LRRTM4: variants seen among roughly 807,000 people sequenced by gnomAD.
The protein encoded by LRRTM4 is leucine rich repeat transmembrane neuronal 4.
A neutral mutation model predicts 47.6 loss-of-function variants in LRRTM4; 25 were observed. The observed-to-expected ratio is 0.53, with a 90% CI of 0.38 to 0.73. LRRTM4 has a LOEUF of 0.73. Among genes scored for constraint, LRRTM4 ranks in the 30% least tolerant of loss-of-function variants. The pLI, the probability that LRRTM4 is intolerant of heterozygous loss-of-function variation, is 0.00. For missense variants in LRRTM4, 638 were observed against 713.4 expected, an observed-to-expected ratio of 0.89 and a Z score of 1.20; for synonymous variants, 311 against 269.5, an observed-to-expected ratio of 1.15 and a Z score of -1.51.
intron 3 of LRRTM4, among the ~76,000 whole-genome samples, chr2:76,783,722 C>T (rs1410569032): frequency 6.6e-6 from 1 of 152,158 alleles, no homozygotes; most frequent in Non-Finnish European, 1.5e-5. Flanking sequence ...CATTTGGCAT[C>T]CCTATTTCCC....
At chr2:76,996,617 T>A (rs1225248110) in intron 3 of LRRTM4, among the ~76,000 whole-genome samples, 1 of 152,126 alleles carries the variant, frequency 6.6e-6, no homozygotes, top group Non-Finnish European at 1.5e-5. Context: ...AATACAAATA[T>A]TCTCTTGCCT....
intron 3 of LRRTM4, among the ~76,000 whole-genome samples, chr2:77,044,021 T>G (rs1030974476): frequency 6.6e-6 from 1 of 151,646 alleles, no homozygotes. Context: ...CCTCATTTCC[T>G]CCTTCATTTC....
At chr2:77,063,377 G>T (rs1679855064) in intron 3 of LRRTM4, among the ~76,000 whole-genome samples, 1 of 152,144 alleles carries the variant, frequency 6.6e-6, no homozygotes, top group South Asian at 2.1e-4. Context: ...ATTTTGAATA[G>T]TGTAATACTG....
intron 3 of LRRTM4, among the ~76,000 whole-genome samples, chr2:76,899,517 C>A (rs1186359850): frequency 6.6e-6 from 1 of 152,018 alleles, no homozygotes; most frequent in Non-Finnish European, 1.5e-5. Flanking sequence ...ATAAACCCTG[C>A]AGATGCCTGG....
chr2:77,064,136 A>G (rs887672009), intron 3 of LRRTM4, among the ~76,000 whole-genome samples: 1 of 152,142 alleles, frequency 6.6e-6, no homozygotes, highest in Non-Finnish European at 1.5e-5. Context: ...ATTGGGGGTA[A>G]AAGTTAACAT....
chr2:77,358,863 G>T (rs913421304), intron 3 of LRRTM4, among the ~76,000 whole-genome samples: 2 of 152,064 alleles, frequency 1.3e-5, no homozygotes, highest in Non-Finnish European at 1.5e-5. Flanking sequence ...AATTGTGTAT[G>T]GTGGCAGATC....
chr2:77,141,051 G>C (rs1161924514), intron 3 of LRRTM4, among the ~76,000 whole-genome samples: 2 of 152,124 alleles, frequency 1.3e-5, no homozygotes, highest in Non-Finnish European at 2.9e-5. Flanking sequence ...AACCATTGTG[G>C]AAGACAGTGT....
At chr2:77,110,888 G>A (rs1365603098) in intron 3 of LRRTM4, among the ~76,000 whole-genome samples, 9 of 152,052 alleles carry the variant, frequency 5.9e-5, no homozygotes, top group Admixed American at 5.2e-4. Flanking sequence ...CTTTTAAATT[G>A]CCTTCTGTAC....
chr2:76,781,903 C>T (rs1265536936), intron 3 of LRRTM4, among the ~76,000 whole-genome samples: 1 of 152,148 alleles, frequency 6.6e-6, no homozygotes, highest in Non-Finnish European at 1.5e-5. Flanking sequence ...GAAAACTCAT[C>T]TGCTGCCTCT....
intron 3 of LRRTM4, among the ~76,000 whole-genome samples, chr2:77,276,160 A>G (rs1002261412): frequency 6.6e-6 from 1 of 152,078 alleles, no homozygotes; most frequent in African/African-American, 2.4e-5. Flanking sequence ...ATATTCTGCT[A>G]TACTTTTATC....
intron 3 of LRRTM4, among the ~76,000 whole-genome samples, chr2:77,462,279 A>T (rs1676818948): frequency 1.3e-5 from 2 of 152,140 alleles, no homozygotes; most frequent in African/African-American, 4.8e-5. Context: ...CAGAAAGAAT[A>T]AGCCATTATC....
intron 3 of LRRTM4, among the ~76,000 whole-genome samples, chr2:76,798,486 C>T (rs1269132018): frequency 1.3e-5 from 2 of 149,384 alleles, no homozygotes; most frequent in Admixed American, 6.7e-5. Context: ...TAAATGCCCA[C>T]AAGAGAAAGC....
At chr2:76,795,876 G>A (rs1475714158) in intron 3 of LRRTM4, among the ~76,000 whole-genome samples, 1 of 151,900 alleles carries the variant, frequency 6.6e-6, no homozygotes, top group Non-Finnish European at 1.5e-5. Flanking sequence ...GCAGAAGACG[G>A]GTGATTTCTG....
chr2:77,232,415 A>C (rs560542878), intron 3 of LRRTM4, among the ~76,000 whole-genome samples: 69 of 152,348 alleles, frequency 4.5e-4, no homozygotes, highest in African/African-American at 1.5e-3. Flanking sequence ...TGACGTCCAC[A>C]GGGCAACTCC....
chr2:76,885,523 C>A (rs1188260983), intron 3 of LRRTM4, among the ~76,000 whole-genome samples: 1 of 144,490 alleles, frequency 6.9e-6, no homozygotes, highest in African/African-American at 2.6e-5. Flanking sequence ...AGTGCAGTGG[C>A]GCGATCTCGG....
At chr2:76,995,179 G>A (rs1423148902) in intron 3 of LRRTM4, among the ~76,000 whole-genome samples, 2 of 151,976 alleles carry the variant, frequency 1.3e-5, no homozygotes, top group Non-Finnish European at 2.9e-5. Context: ...AATTACGAAT[G>A]GAAAGAGCTA....
At chr2:77,020,207 T>C (rs1678217586) in intron 3 of LRRTM4, among the ~76,000 whole-genome samples, 1 of 152,052 alleles carries the variant, frequency 6.6e-6, no homozygotes. Context: ...ACAGAACTCT[T>C]TTGGTTTGGA....
At chr2:77,011,732 T>C (rs2104069139) in intron 3 of LRRTM4, among the ~76,000 whole-genome samples, 1 of 152,266 alleles carries the variant, frequency 6.6e-6, no homozygotes, top group Non-Finnish European at 1.5e-5. Context: ...TAACTCTTTA[T>C]AGTTAACATT....
chr2:76,853,646 A>G (rs1005925129), intron 3 of LRRTM4, among the ~76,000 whole-genome samples: 10 of 152,256 alleles, frequency 6.6e-5, no homozygotes, highest in African/African-American at 2.2e-4. Flanking sequence ...AAAAAAATGT[A>G]CCAATTTCAA....
Sources: allele counts gnomAD v4.1 joint callset (sites outside exome capture counted in the v4.1 genomes callset), GRCh38; gene constraint gnomAD v4.1.1; transcripts MANE v1.5; gene names NCBI Gene and HGNC (gene_info 2026-07-23, HGNC 2026-07-21).